CPAMD8: variants seen among roughly 807,000 people sequenced by gnomAD.
CPAMD8 encodes the protein C3 and PZP like alpha-2-macroglobulin domain containing 8, also known as C3 and PZP-like alpha-2-macroglobulin domain-containing protein 8.
CPAMD8 carries 146 observed loss-of-function variants against 224.7 expected under a neutral mutation model. That is an observed-to-expected ratio of 0.65 (90% CI 0.57 to 0.75). The LOEUF (loss-of-function observed/expected upper bound fraction) is 0.75. Among genes scored for constraint, CPAMD8 ranks in the 30% least tolerant of loss-of-function variants. CPAMD8 has a pLI of 0.00. For synonymous variants in CPAMD8, 966 were observed against 1,044.6 expected (o/e 0.92, Z 1.45); for missense variants, 2,301 against 2,537.5 (o/e 0.91, Z 2.00).
intron 14 of CPAMD8, among the ~76,000 whole-genome samples, chr19:16,979,439 C>CATCAATCCACCCATTT (rs2055419835): frequency 1.6e-5 from 1 of 61,322 alleles, no homozygotes; most frequent in Admixed American, 1.4e-4. Context: ...TCCATCCATC[C>CATCAATCCACCCATTT]ATCTATCAAT....
At chr19:16,983,711 G>C (rs2055600069) in intron 13 of CPAMD8, among the ~76,000 whole-genome samples, 1 of 152,104 alleles carries the variant, frequency 6.6e-6, no homozygotes, top group Admixed American at 6.6e-5. Flanking sequence ...GGGATAACTT[G>C]GGGAAATCCA....
intron 17 of CPAMD8, among the ~76,000 whole-genome samples, chr19:16,973,473 C>T (rs1049001883): frequency 7.9e-5 from 12 of 152,082 alleles, no homozygotes; most frequent in East Asian, 7.7e-4. Flanking sequence ...CTTAGCCTCC[C>T]GAGTAGCTGG....
intron 5 of CPAMD8, among the ~76,000 whole-genome samples, chr19:17,011,047 A>T (rs1455727597): frequency 2.6e-5 from 4 of 151,634 alleles, no homozygotes; most frequent in African/African-American, 9.7e-5. Flanking sequence ...AAAAAAAATC[A>T]GCCGGGCGTG....
chr19:16,971,179 T>G (rs2055050717), intron 17 of CPAMD8, 146 bp from the exon 18 acceptor site: 2 of 692,128 alleles, frequency 2.9e-6, no homozygotes, highest in Admixed American at 3.1e-5. Context: ...TTTGCTTTTT[T>G]GGGTTTGTTT....
At chr19:17,002,394 A>C in intron 8 of CPAMD8, 44 bp from the exon 9 acceptor site, 1 of 1,390,900 alleles carries the variant, frequency 7.2e-7, no homozygotes, top group Non-Finnish European at 1.0e-6. Flanking sequence ...TCTGTCCCTA[A>C]GGTGGCCTCA....
At chr19:16,939,094 T>C (rs1434213821) in intron 22 of CPAMD8, among the ~76,000 whole-genome samples, 1 of 152,212 alleles carries the variant, frequency 6.6e-6, no homozygotes, top group African/African-American at 2.4e-5. Context: ...AGGGTTAACA[T>C]GGGGCAGCTG....
In CPAMD8 at chr19:16,997,155, C is replaced by T. The variant is rs2056153864; in HGVS notation, c.1051G>A (p.Asp351Asn). 6.2e-7 allele frequency: 1 copy of T among 1,608,768 alleles called. No individual in the cohort carries two copies. The highest frequency in any genetic ancestry group is 1.3e-5 in the African/African-American group (1 of 74,762). Residue 351 changes from aspartate (D) to asparagine (N), a missense_variant, in exon 11 of 42, where the codon GAC (aspartate) becomes AAC (asparagine). Asp to Asn is a conservative substitution (Grantham distance 23). Transcript: ENST00000443236. ...RQLVDIRYSK[D>N]TRKQFKPGLA... ...CCCGGCTTGAACTGCTTCCTCGTGT[C>T]CTTGGAGTACCGGATGTCCACCAGC...
intron 18 of CPAMD8, among the ~76,000 whole-genome samples, chr19:16,961,790 G>A (rs546733465): frequency 2.6e-5 from 4 of 152,266 alleles, no homozygotes; most frequent in African/African-American, 7.2e-5. Context: ...TCATATAGGC[G>A]GGTACCCCTC....
intron 21 of CPAMD8, among the ~76,000 whole-genome samples, chr19:16,946,042 T>C (rs1294140463): frequency 6.6e-6 from 1 of 152,182 alleles, no homozygotes; most frequent in East Asian, 1.9e-4. Context: ...TGTATATGCA[T>C]GTGTGTGCAT....
At position 16,897,695 on chromosome 19, in the gene CPAMD8, G is replaced by A; in HGVS notation, c.5061C>T (p.Gly1687=). The A allele has an allele frequency of 1.3e-6, 2 of 1,521,934 alleles. No homozygotes were observed. Among genetic ancestry groups the A allele is most frequent in the Non-Finnish European group, 1.8e-6 (2 of 1,129,316 alleles). 94.3% of individuals were successfully genotyped at this position (1,521,934 alleles called of 1,614,324 possible). Residue 1687 remains glycine, a synonymous_variant, in exon 39 of 42, where the codon GGC becomes GGT. Coordinates refer to ENST00000443236, the MANE Select transcript of CPAMD8 (RefSeq NM_015692.5). ...CNEVERAPAR[G]PGWFPGESGP... is the part of the protein sequence containing the mutation. ...GCAGTGGCTCCGCGCACTCACCCGGGCCCCGGGCAGGGGCGCGCTCCACTT... is the reference window on the plus strand; with the variant it reads ...GCAGTGGCTCCGCGCACTCACCCGGACCCCGGGCAGGGGCGCGCTCCACTT...
intron 29 of CPAMD8, among the ~76,000 whole-genome samples, chr19:16,908,947 C>G (rs1040116069): frequency 6.6e-6 from 1 of 152,230 alleles, no homozygotes; most frequent in South Asian, 2.1e-4. Context: ...AAGGACGCTG[C>G]GGAGACCACA....
chr19:16,920,276 G>A (rs1471345335), intron 27 of CPAMD8, among the ~76,000 whole-genome samples: 2 of 150,104 alleles, frequency 1.3e-5, no homozygotes, highest in African/African-American at 4.9e-5. Flanking sequence ...TCAGAAGATC[G>A]AGACCATCCT....
intron 1 of CPAMD8, among the ~76,000 whole-genome samples, chr19:17,022,893 C>A (rs564960160): frequency 1.3e-5 from 2 of 151,998 alleles, no homozygotes; most frequent in Non-Finnish European, 2.9e-5. Context: ...TTCATCCTCA[C>A]GGTGCACCCC....
intron 41 of CPAMD8, chr19:16,893,718 A>G (rs2051849388): frequency 5.0e-6 from 1 of 198,716 alleles, no homozygotes; most frequent in East Asian, 1.2e-4. Flanking sequence ...GCACGAGGAC[A>G]TCAGGAACTC....
In CPAMD8 at chr19:16,892,953, T is replaced by A. The variant is rs758240878; in HGVS notation, c.*155A>T. On this transcript the variant is annotated 3_prime_UTR_variant, in exon 42 of 42. Transcript: ENST00000443236. ...AAGTTCATGTGCACCCCAGAACATG[T>A]GAGTAAGATCAGTAACGTGTATTCT... 18 of 759,634 alleles carry A rather than the reference T, an allele frequency of 2.4e-5. No homozygotes were observed. The Admixed American group carries it at 2.6e-4, about 11-fold the overall frequency. 47.1% of individuals were successfully genotyped at this position (759,634 alleles called of 1,614,324 possible).
chr19:16,989,546 C>A, intron 13 of CPAMD8, 97 bp downstream of exon 13: 1 of 1,476,618 alleles, frequency 6.8e-7, no homozygotes, highest in South Asian at 1.3e-5. Flanking sequence ...CTCGGCCTCC[C>A]AAAATGCTGG....
chr19:16,960,054 C>T (rs960858555), intron 18 of CPAMD8, among the ~76,000 whole-genome samples: 1 of 152,114 alleles, frequency 6.6e-6, no homozygotes. Context: ...TAATTTCCCT[C>T]CCTGGGTTTT....
chr19:16,936,665 C>T (rs555662636), intron 23 of CPAMD8, among the ~76,000 whole-genome samples: 3 of 151,892 alleles, frequency 2.0e-5, no homozygotes, highest in African/African-American at 4.8e-5. Flanking sequence ...CCTCGGCCTC[C>T]CAAAGTGCTG....
Position 16,975,135 on chromosome 19 carries a change from G to A in CPAMD8, c.2032C>T (p.Pro678Ser), listed in dbSNP as rs759898270. ...CCAGAGTCCTTGGTGATGCCCCAAG[G>A]CCACGGGAAGACAGAGGAGCGCCGG... The part of the protein sequence containing the change: ...RRRRSSVFPW[P>S]WGITKDSGFA... The change falls in exon 17 of 42, where the codon CCT becomes TCT. Residue 678 changes from proline (P) to serine (S), a missense_variant. Physicochemically the swap from Pro to Ser is moderately conservative, Grantham distance 74 (BLOSUM62 -1). Around this residue, in one of 4 missense-constraint regions of CPAMD8, gnomAD observed 1,709 missense variants for 1,753.2 expected, o/e 0.97. Transcript: ENST00000443236. 3 of 1,612,924 alleles carry A rather than the reference G, an allele frequency of 1.9e-6. No individual in the cohort carries two copies. Among genetic ancestry groups the A allele is most frequent in the Admixed American group, 3.3e-5 (2 of 59,864 alleles).
Sources: gnomAD v4.1 joint callset for allele counts (sites outside exome capture counted in the v4.1 genomes callset) on GRCh38, gnomAD v4.1.1 for gene constraint, gnomAD v4.1.1 regional missense constraint, MANE v1.5 for transcripts, NCBI Gene and HGNC (gene_info 2026-07-23, HGNC 2026-07-21) for gene names.